The following KDM7A variants were observed in gnomAD, a reference collection of about 807,000 sequenced individuals.
KDM7A encodes the protein lysine demethylase 7A, also known as lysine-specific demethylase 7A.
A neutral mutation model predicts 114.8 loss-of-function variants in KDM7A; 28 were observed. The observed-to-expected ratio is 0.24, with a 90% CI of 0.18 to 0.33. The LOEUF (loss-of-function observed/expected upper bound fraction) is 0.33. Among genes scored for constraint, KDM7A ranks in the 10% least tolerant of loss-of-function variants. The pLI is 1.00. For synonymous variants in KDM7A, 423 were observed against 397.8 expected (o/e 1.06, Z -0.75); for missense variants, 942 against 1,142.5 (o/e 0.82, Z 2.53).
chr7:140,114,004 C>A (rs1054926066), intron 9 of KDM7A, among the ~76,000 whole-genome samples: 1 of 151,926 alleles, frequency 6.6e-6, no homozygotes, highest in African/African-American at 2.4e-5. Flanking sequence ...AGAAAGGTTT[C>A]AAATAAAAGG....
intron 2 of KDM7A, among the ~76,000 whole-genome samples, chr7:140,137,622 C>G (rs1818892692): frequency 6.6e-6 from 1 of 152,160 alleles, no homozygotes; most frequent in African/African-American, 2.4e-5. Flanking sequence ...GTCAATTACA[C>G]ATGTAACAGT....
chr7:140,116,576 G>A, intron 9 of KDM7A, among the ~76,000 whole-genome samples: 1 of 152,078 alleles, frequency 6.6e-6, no homozygotes, highest in African/African-American at 2.4e-5. Flanking sequence ...TGGCAAGGCT[G>A]TTTTTGCTTA....
chr7:140,113,178 T>C (rs938174426), intron 10 of KDM7A, among the ~76,000 whole-genome samples: 2 of 152,250 alleles, frequency 1.3e-5, no homozygotes, highest in Admixed American at 6.5e-5. Context: ...TTAAGCACAG[T>C]GCTCTCAGCA....
intron 1 of KDM7A, among the ~76,000 whole-genome samples, chr7:140,175,096 T>G (rs912051889): frequency 3.9e-5 from 6 of 152,236 alleles, no homozygotes; most frequent in African/African-American, 1.2e-4. Flanking sequence ...GAAATAGAAT[T>G]GGATATACAA....
At chr7:140,162,133 T>C (rs1295944181) in intron 1 of KDM7A, among the ~76,000 whole-genome samples, 1 of 152,032 alleles carries the variant, frequency 6.6e-6, no homozygotes, top group Admixed American at 6.6e-5. Context: ...GTTGGGAGTT[T>C]GCGACCAGCC....
Position 140,090,932 on chromosome 7 carries a change from G to A in KDM7A, c.*162C>T, listed in dbSNP as rs1818007577. The A allele has an allele frequency of 1.7e-6, 1 of 603,490 alleles. No individual in the cohort carries two copies. The highest frequency in any genetic ancestry group is 1.9e-5 in the African/African-American group (1 of 53,882). The allele number at this position is 603,490 out of a possible 1,614,324, so 37.4% of individuals were successfully genotyped here. A position where few individuals can be genotyped will look rare whatever the true frequency, so the allele number is the denominator to read the frequency against. On this transcript the variant is annotated 3_prime_UTR_variant, in exon 20 of 20. Transcript: ENST00000397560. ...GGTCCAAAATGGTTATTGCTGAGTGGGTGTGGCACAGTGAAAATGCAGCAT... is the reference window on the plus strand; with the variant it reads ...GGTCCAAAATGGTTATTGCTGAGTGAGTGTGGCACAGTGAAAATGCAGCAT...
In KDM7A at chr7:140,171,559, T is replaced by TATATATTTA. The variant is rs1562962727; in HGVS notation, c.194+5184_194+5185insTAAATATAT. On this transcript the variant is annotated intron_variant, in intron 1 of 19. Coordinates refer to ENST00000397560, the MANE Select transcript of KDM7A (RefSeq NM_030647.2). Reference sequence around the variant, plus strand: ...TATATATTTATAAATATATATTTATTTTTATATATTTATATATATATATTT... The same window carrying TATATATTTA: ...TATATATTTATAAATATATATTTATTATATATTTATTTATATATTTATATATATATATTT... 5.6e-4 allele frequency among the ~76,000 whole-genome samples: 61 copies of TATATATTTA among 108,774 alleles called. 1 individual carries two copies. Among genetic ancestry groups the TATATATTTA allele is most frequent in the African/African-American group, 2.2e-3 (60 of 27,514 alleles). 71.4% of individuals were successfully genotyped at this position (108,774 alleles called of 152,430 possible).
chr7:140,156,539 A>G (rs1794460034), intron 1 of KDM7A, among the ~76,000 whole-genome samples: 1 of 152,236 alleles, frequency 6.6e-6, no homozygotes, highest in African/African-American at 2.4e-5. Context: ...GTGAATGGAA[A>G]AGTGAGACAC....
At position 140,089,286 on chromosome 7, in the gene KDM7A, G is replaced by T. The variant is rs1250606350; in HGVS notation, c.*1808C>A. On this transcript the variant is annotated 3_prime_UTR_variant, in exon 20 of 20. Coordinates refer to ENST00000397560, the MANE Select transcript of KDM7A (RefSeq NM_030647.2). ...CAGATAAGATTCAGACTTTGGTCCA[G>T]TCACTCTGAACCAGAAAGGCTACTT... The T allele has an allele frequency of 6.6e-6, 1 of 152,176 alleles. No homozygotes were observed. The highest frequency in any genetic ancestry group is 1.5e-5 in the Non-Finnish European group (1 of 68,034). 9.4% of individuals were successfully genotyped at this position (152,176 alleles called of 1,614,324 possible). A position where few individuals can be genotyped will look rare whatever the true frequency, so the allele number is the denominator to read the frequency against.
rs747831642 is a variant in KDM7A, at chr7:140,176,709, G to C, written c.194+35C>G. The C allele has an allele frequency of 2.5e-6, 3 of 1,207,890 alleles. No individual in the cohort carries two copies. Among genetic ancestry groups the C allele is most frequent in the Middle Eastern group, 2.4e-4 (1 of 4,150 alleles). 74.8% of individuals were successfully genotyped at this position (1,207,890 alleles called of 1,614,324 possible). A position where few individuals can be genotyped will look rare whatever the true frequency, so the allele number is the denominator to read the frequency against. On this transcript the variant is annotated intron_variant, in intron 1 of 19. Coordinates refer to ENST00000397560, the MANE Select transcript of KDM7A (RefSeq NM_030647.2). This position sits in a 1 kb window ranked among gnomAD's most constrained non-coding sequence, Gnocchi z 4.4. ...CGGCGGCGGTTGGTCGGTGGCCGGCGGTGGCGGCTGCGGGGCTGGAGGGGG... is the reference window on the plus strand; with the variant it reads ...CGGCGGCGGTTGGTCGGTGGCCGGCCGTGGCGGCTGCGGGGCTGGAGGGGG...
At chr7:140,117,019 C>T (rs913030720) in intron 9 of KDM7A, among the ~76,000 whole-genome samples, 4 of 152,098 alleles carry the variant, frequency 2.6e-5, no homozygotes, top group Non-Finnish European at 5.9e-5. Flanking sequence ...GATAAAAGAA[C>T]GACATAATTT....
rs536390956 is a variant in KDM7A at position 140,156,414 on chromosome 7, CCTT to C, written c.195-17227_195-17225del. 2.1e-3 allele frequency among the ~76,000 whole-genome samples: 318 copies of C among 152,294 alleles called. 1 individual carries two copies. The highest frequency in any genetic ancestry group is 7.5e-3 in the African/African-American group (311 of 41,560). On this transcript the variant is annotated intron_variant, in intron 1 of 19. Transcript: ENST00000397560. ...AAATCCCCTATCTCTTGCTTATTAT[CCTT>C]CTTTTCATTAACAATTTACCTACTG... is the stretch of plus-strand genomic sequence containing the variant.
chr7:140,139,025 A>C, intron 2 of KDM7A, 80 bp downstream of exon 2: 1 of 864,098 alleles, frequency 1.2e-6, no homozygotes. Flanking sequence ...GAGTATCATT[A>C]AAGTATTACC....
chr7:140,096,850 A>G (rs766276456), intron 16 of KDM7A, 49 bp downstream of exon 16: 2 of 1,590,428 alleles, frequency 1.3e-6, no homozygotes, highest in Non-Finnish European at 8.6e-7. Flanking sequence ...AAGTGTTCAT[A>G]GTATTTACCT....
chr7:140,111,290 A>G, intron 10 of KDM7A, 106 bp from the exon 11 acceptor site: 6 of 653,080 alleles, frequency 9.2e-6, no homozygotes, highest in Non-Finnish European at 1.3e-5. Context: ...TGTTACAGAC[A>G]TCGCCAAATA....
intron 1 of KDM7A, among the ~76,000 whole-genome samples, chr7:140,165,266 T>C (rs1794561449): frequency 6.6e-6 from 1 of 152,210 alleles, no homozygotes; most frequent in Non-Finnish European, 1.5e-5. Flanking sequence ...TCTTTTATTC[T>C]AAAAACTACC....
In KDM7A at chr7:140,129,518, A is replaced by G. The variant is rs1346454591; in HGVS notation, c.534T>C (p.Ser178=). 2.5e-6 allele frequency: 4 copies of G among 1,613,672 alleles called. No homozygotes were observed. Among genetic ancestry groups the G allele is most frequent in the Non-Finnish European group, 3.4e-6 (4 of 1,179,770 alleles). ...LGLRLPSPTF[S]VMDVERYVGG... ...CTACATAACGTTCCACATCCATCACAGAAAATGTAGGTGAAGGGAGCCTGA... is the reference window on the plus strand; with the variant it reads ...CTACATAACGTTCCACATCCATCACGGAAAATGTAGGTGAAGGGAGCCTGA... Residue 178 remains serine, a synonymous_variant, in exon 4 of 20, where the codon TCT becomes TCC. Coordinates refer to ENST00000397560, the MANE Select transcript of KDM7A (RefSeq NM_030647.2).
chr7:140,137,519 T>A (rs1204972999), intron 2 of KDM7A, among the ~76,000 whole-genome samples: 1 of 152,166 alleles, frequency 6.6e-6, no homozygotes, highest in Non-Finnish European at 1.5e-5. Context: ...TCTCCAAGAG[T>A]TACTCCCAGT....
At chr7:140,165,229 T>C (rs1388230184) in intron 1 of KDM7A, among the ~76,000 whole-genome samples, 2 of 152,260 alleles carry the variant, frequency 1.3e-5, no homozygotes, top group Admixed American at 6.5e-5. Context: ...GTGTTTGTTA[T>C]TCTATGTCAC....
Sources: gnomAD v4.1 joint callset for allele counts (sites outside exome capture counted in the v4.1 genomes callset) on GRCh38, gnomAD v4.1.1 for gene constraint, Gnocchi (gnomAD v3.1) non-coding constraint, MANE v1.5 for transcripts, NCBI Gene and HGNC (gene_info 2026-07-23, HGNC 2026-07-21) for gene names.